Variants in ELF5 observed in about 807,000 individuals in gnomAD.
The protein encoded by ELF5 is E74 like ETS transcription factor 5.
In ELF5, 31 loss-of-function variants were observed where a neutral mutation model predicts 38.2. The ratio of observed to expected loss-of-function variants is 0.81; its 90% CI spans 0.61 to 1.10. The LOEUF (loss-of-function observed/expected upper bound fraction) is 1.10, where lower values mean the gene tolerates loss of function less well. Ranked by LOEUF, ELF5 falls within the 50% of genes least tolerant of loss-of-function variation. The probability of loss-of-function intolerance (pLI) is 0.00; values close to 1 mark genes in which losing one functional copy is unlikely to be tolerated. For synonymous variants in ELF5, 121 were observed against 112.5 expected, an observed-to-expected ratio of 1.08 and a Z score of -0.48; for missense variants, 300 against 306.6, an observed-to-expected ratio of 0.98 and a Z score of 0.16.
intron 1 of ELF5, chr11:34,511,931 A>C (rs907512758): frequency 2.6e-5 from 7 of 269,974 alleles, no homozygotes; most frequent in Non-Finnish European, 5.0e-5. Context: ...CCAAATCATC[A>C]CTGGGCAGAA....
intron 4 of ELF5, among the ~76,000 whole-genome samples, chr11:34,487,519 G>T (rs1564975993): frequency 6.6e-6 from 1 of 152,196 alleles, no homozygotes; most frequent in Admixed American, 6.5e-5. Flanking sequence ...AGCAGCCCAA[G>T]AGATGTTAAA....
intron 1 of ELF5, among the ~76,000 whole-genome samples, chr11:34,508,698 T>A (rs959199568): frequency 1.3e-5 from 2 of 152,208 alleles, no homozygotes; most frequent in African/African-American, 4.8e-5. Context: ...TGCCAGTTGA[T>A]GTGAGTACCA....
chr11:34,497,804 G>T (rs1013398265), intron 2 of ELF5, among the ~76,000 whole-genome samples: 1 of 152,206 alleles, frequency 6.6e-6, no homozygotes, highest in African/African-American at 2.4e-5. Context: ...GGGAAGCCCA[G>T]TCAAAATGTC....
At chr11:34,509,719 T>G (rs1850704839) in intron 1 of ELF5, among the ~76,000 whole-genome samples, 1 of 152,136 alleles carries the variant, frequency 6.6e-6, no homozygotes, top group South Asian at 2.1e-4. Context: ...GGACTGGACT[T>G]CAGAAAAGTT....
At chr11:34,492,021 C>T (rs1412081787) in intron 3 of ELF5, 3 of 152,220 alleles carry the variant, frequency 2.0e-5, no homozygotes, top group Non-Finnish European at 4.4e-5. Context: ...CTGGCATTGC[C>T]AAACTGCATC....
Position 34,502,480 on chromosome 11 carries a change from C to T in ELF5, c.121+3149G>A, listed in dbSNP as rs117163051. ...ATGGCTGCACCTCTCTGGGTGGCAACGTCCTTGTTGATAAAAGACAGAAGG... is the reference window on the plus strand; with the variant it reads ...ATGGCTGCACCTCTCTGGGTGGCAATGTCCTTGTTGATAAAAGACAGAAGG... On this transcript the variant is annotated intron_variant, in intron 2 of 6. Transcript: ENST00000257832. 6.7e-3 allele frequency among the ~76,000 whole-genome samples: 1,021 copies of T among 152,354 alleles called. 7 individuals are homozygous for T. Among genetic ancestry groups the T allele is most frequent in the Non-Finnish European group, 0.01 (693 of 68,024 alleles).
chr11:34,502,865 T>C (rs1345255692), intron 2 of ELF5, among the ~76,000 whole-genome samples: 2 of 152,180 alleles, frequency 1.3e-5, no homozygotes, highest in African/African-American at 4.8e-5. Context: ...GAAGGGATCC[T>C]AGCAATGGCC....
chr11:34,491,990 T>C (rs1378205069), intron 3 of ELF5: 1 of 152,150 alleles, frequency 6.6e-6, no homozygotes, highest in Non-Finnish European at 1.5e-5. Flanking sequence ...ACAAATGAGG[T>C]TGACTTGACA....
At chr11:34,508,747 C>T (rs748572188) in intron 1 of ELF5, among the ~76,000 whole-genome samples, 17 of 152,280 alleles carry the variant, frequency 1.1e-4, no homozygotes, top group South Asian at 2.1e-4. Context: ...TTTCCCTCCT[C>T]GCCTCCACCA....
Position 34,511,444 on chromosome 11 carries a change from T to C in ELF5, c.-5+2233A>G. 4.0e-6 allele frequency: 6 copies of C among 1,511,354 alleles called. No individual in the cohort carries two copies. In the Middle Eastern group the frequency reaches 5.1e-4, roughly 129 times the overall value. The allele number at this position is 1,511,354 out of a possible 1,614,324, so 93.6% of individuals were successfully genotyped here. A position where few individuals can be genotyped will look rare whatever the true frequency, so the allele number is the denominator to read the frequency against. The stretch of plus-strand genomic sequence containing the variant: ...AGTTTCCCCCAAATGTAGTCATCAT[T>C]CTAGCTGCCTAGTAAGTAGGAAAAG... On this transcript the variant is annotated intron_variant, in intron 1 of 6. Coordinates refer to ENST00000257832, the MANE Select transcript of ELF5 (RefSeq NM_001422.4).
chr11:34,488,300 G>C (rs759167430), intron 4 of ELF5, among the ~76,000 whole-genome samples: 1 of 152,190 alleles, frequency 6.6e-6, no homozygotes, highest in Admixed American at 6.5e-5. Context: ...ATAAATGTTT[G>C]TTCAAAGAAT....
At chr11:34,484,605 C>T (rs999459211) in intron 4 of ELF5, among the ~76,000 whole-genome samples, 10 of 152,072 alleles carry the variant, frequency 6.6e-5, no homozygotes, top group Non-Finnish European at 1.2e-4. Flanking sequence ...GCAGGAATGA[C>T]ATCCTGTGCC....
chr11:34,507,176 G>A (rs1311869139), intron 1 of ELF5, among the ~76,000 whole-genome samples: 2 of 152,130 alleles, frequency 1.3e-5, no homozygotes, highest in African/African-American at 2.4e-5. Context: ...ATACTATCTC[G>A]CCTTCCTAAA....
At chr11:34,505,085 A>G (rs1033616336) in intron 2 of ELF5, among the ~76,000 whole-genome samples, 5 of 152,228 alleles carry the variant, frequency 3.3e-5, no homozygotes, top group Non-Finnish European at 7.3e-5. Flanking sequence ...GTCAACTTGC[A>G]TGGAGCTTAA....
chr11:34,502,742 T>G (rs1850504845), intron 2 of ELF5, among the ~76,000 whole-genome samples: 2 of 152,220 alleles, frequency 1.3e-5, no homozygotes, highest in African/African-American at 4.8e-5. Flanking sequence ...CGAAGGCTAT[T>G]TTATTTTCAC....
rs755140975 is a variant in ELF5 at position 34,482,424 on chromosome 11, C to T, written c.475+7G>A. On this transcript the variant is annotated splice_region_variant and intron_variant, in intron 5 of 6. Coordinates refer to ENST00000257832, the MANE Select transcript of ELF5 (RefSeq NM_001422.4). The stretch of plus-strand genomic sequence containing the variant: ...AATTAGAATGAAAACTGGCATCCTG[C>T]ACTTACTTGTTCTACTATGACTGTG... 5.6e-6 allele frequency: 9 copies of T among 1,612,762 alleles called. No individual in the cohort carries two copies. The Admixed American group carries it at 1.5e-4, about 27-fold the overall frequency.
At chr11:34,481,784 T>G (rs1452337205) in intron 5 of ELF5, among the ~76,000 whole-genome samples, 1 of 152,186 alleles carries the variant, frequency 6.6e-6, no homozygotes, top group Non-Finnish European at 1.5e-5. Context: ...CTTCCTACCT[T>G]TATAACCATA....
intron 2 of ELF5, among the ~76,000 whole-genome samples, chr11:34,497,806 CAA>C (rs1850353465): frequency 6.6e-6 from 1 of 152,176 alleles, no homozygotes; most frequent in Non-Finnish European, 1.5e-5. Context: ...GAAGCCCAGT[CAA>C]AATGTCTTCA....
intron 2 of ELF5, among the ~76,000 whole-genome samples, chr11:34,496,063 T>G (rs1850311008): frequency 6.6e-6 from 1 of 152,132 alleles, no homozygotes. Context: ...TTCCCTCCCC[T>G]CCCCTCTCTG....
Sources: allele counts gnomAD v4.1 joint callset (sites outside exome capture counted in the v4.1 genomes callset), GRCh38; gene constraint gnomAD v4.1.1; transcripts MANE v1.5; gene names NCBI Gene and HGNC (gene_info 2026-07-23, HGNC 2026-07-21).